The following ZNF280D variants were observed in gnomAD, a reference collection of about 807,000 sequenced individuals.
ZNF280D encodes the protein suppressor of hairy wing homolog 4.
In ZNF280D, 39 loss-of-function variants were observed where a neutral mutation model predicts 94.7. That is an observed-to-expected ratio of 0.41 (90% CI 0.32 to 0.54). The LOEUF (loss-of-function observed/expected upper bound fraction) is 0.54. Among genes scored for constraint, ZNF280D ranks in the 20% least tolerant of loss-of-function variants. The pLI is 0.22. For missense variants in ZNF280D, 1,090 were observed against 1,149.3 expected (o/e 0.95, Z 0.75); for synonymous variants, 398 against 377.6 (o/e 1.05, Z -0.63).
At chr15:56,699,039 T>C (rs2056907765) in intron 6 of ZNF280D, 1 of 144,704 alleles carries the variant, frequency 6.9e-6, no homozygotes, top group South Asian at 2.2e-4. Context: ...AGATAAAGAG[T>C]GTATGTTGTT....
intron 1 of ZNF280D, among the ~76,000 whole-genome samples, chr15:56,711,123 A>C (rs752256118): frequency 6.6e-6 from 1 of 152,250 alleles, no homozygotes; most frequent in Non-Finnish European, 1.5e-5. Flanking sequence ...TGCCAAATTC[A>C]AATTCTGACT....
Position 56,678,743 on chromosome 15 carries a change from C to T in ZNF280D, c.1083G>A (p.Gln361=). The T allele has an allele frequency of 6.2e-7, 1 of 1,613,246 alleles. No homozygotes were observed. Among genetic ancestry groups the T allele is most frequent in the Non-Finnish European group, 8.5e-7 (1 of 1,179,528 alleles). ...SESWENHTTC[Q]HCYRQFPTPF... ...GTGTGGGAAACTGACGGTAGCAGTG[C>T]TGGCAGGTGGTATGGTTTTCCCAGC... Residue 361 remains glutamine (Q), a synonymous_variant, in exon 11 of 22, where the codon CAG becomes CAA. Transcript: ENST00000267807.
intron 12 of ZNF280D, among the ~76,000 whole-genome samples, chr15:56,677,130 T>C (rs1355853248): frequency 6.6e-6 from 1 of 152,210 alleles, no homozygotes; most frequent in East Asian, 1.9e-4. Context: ...ATAAAATGTT[T>C]TTCTGCTACA....
Position 56,631,863 on chromosome 15 carries a change from T to C in ZNF280D, c.2575A>G (p.Asn859Asp). 1 of 1,613,828 alleles carries C rather than the reference T, an allele frequency of 6.2e-7. No homozygotes were observed. The highest frequency in any genetic ancestry group is 8.5e-7 in the Non-Finnish European group (1 of 1,180,016). Reference sequence around the variant, plus strand: ...TTAATCTGATCAGATAAGATTATGTTTTCTGAACTTTGGCACATCTTCAAC... The same window carrying C: ...TTAATCTGATCAGATAAGATTATGTCTTCTGAACTTTGGCACATCTTCAAC... ...MELKMCQSSE[N>D]IILSDQIKDH... is the part of the protein sequence containing the mutation. The change falls in exon 22 of 22, where the codon AAC becomes GAC. Residue 859 changes from asparagine to aspartate, a missense_variant. By Grantham distance (23) the Asn-to-Asp change is conservative. Transcript: ENST00000267807.
intron 4 of ZNF280D, among the ~76,000 whole-genome samples, chr15:56,703,752 G>A (rs183638004): frequency 2.1e-3 from 314 of 152,140 alleles, no homozygotes; most frequent in African/African-American, 7.2e-3. Flanking sequence ...TACTTGGGAA[G>A]CTGAGGTGGG....
intron 20 of ZNF280D, 124 bp downstream of exon 20, chr15:56,642,828 C>T: frequency 1.9e-6 from 1 of 535,598 alleles, no homozygotes; most frequent in Non-Finnish European, 3.1e-6. Context: ...GATTTTTTTT[C>T]TTCCTCACAA....
intron 16 of ZNF280D, among the ~76,000 whole-genome samples, chr15:56,660,015 C>T (rs1369147126): frequency 3.3e-5 from 5 of 151,962 alleles, no homozygotes; most frequent in African/African-American, 1.2e-4. Flanking sequence ...AGAAAATATC[C>T]TCAGATTTCT....
chr15:56,711,476 C>T (rs999378871), intron 1 of ZNF280D, among the ~76,000 whole-genome samples: 3 of 151,926 alleles, frequency 2.0e-5, no homozygotes, highest in East Asian at 3.9e-4. Context: ...AACAGCCTGG[C>T]CAACATGGTG....
At chr15:56,663,948 A>T (rs529896214) in intron 16 of ZNF280D, among the ~76,000 whole-genome samples, 2 of 152,288 alleles carry the variant, frequency 1.3e-5, no homozygotes, top group South Asian at 4.2e-4. Context: ...ATTGGAAGTG[A>T]TGGATATCCC....
chr15:56,637,441 A>ATTTG (rs2052407862), intron 20 of ZNF280D, among the ~76,000 whole-genome samples: 1 of 151,972 alleles, frequency 6.6e-6, no homozygotes, highest in East Asian at 1.9e-4. Flanking sequence ...TTAGCTTCCC[A>ATTTG]AAGTGTTGGG....
rs146777056 is a variant in ZNF280D at position 56,669,482 on chromosome 15, G to C, written c.1411-525C>G. On this transcript the variant is annotated intron_variant, in intron 13 of 21. Transcript: ENST00000267807. ...TATGATAATGAAATATTTGAGAGCT[G>C]TATTGTCCAACACAGTAGCCACTAG... 2.5e-3 allele frequency among the ~76,000 whole-genome samples: 374 copies of C among 151,918 alleles called. 2 individuals carry two copies. The highest frequency in any genetic ancestry group is 8.6e-3 in the African/African-American group (358 of 41,472).
chr15:56,659,576 GA>G lies in ZNF280D; in HGVS notation c.1995-1091del, dbSNP rs528805312. Among the ~76,000 whole-genome samples the G allele has an allele frequency of 9.3e-5, 14 of 150,842 alleles. No homozygotes were observed. In the South Asian group the frequency reaches 1.3e-3, roughly 14 times the overall value. On this transcript the variant is annotated intron_variant, in intron 16 of 21. Coordinates refer to ENST00000267807, the MANE Select transcript of ZNF280D (RefSeq NM_017661.4). Reference sequence around the variant, plus strand: ...CCTTTATTATACATAGTATGTATAGGAAAAAAAAAGTATAGTACACATAGAG... The same window carrying G: ...CCTTTATTATACATAGTATGTATAGGAAAAAAAAGTATAGTACACATAGAG...
At chr15:56,650,417 T>C (rs1306772826) in intron 19 of ZNF280D, among the ~76,000 whole-genome samples, 1 of 152,136 alleles carries the variant, frequency 6.6e-6, no homozygotes, top group East Asian at 1.9e-4. Flanking sequence ...AAAAAGAAAC[T>C]GAAGTAACTG....
chr15:56,676,967 C>T (rs1805394981), intron 12 of ZNF280D, 151 bp from the exon 13 acceptor site: 1 of 581,214 alleles, frequency 1.7e-6, no homozygotes, highest in Non-Finnish European at 2.9e-6. Context: ...ACTAAGGCAA[C>T]ACCAAAAGAC....
chr15:56,635,919 A>C (rs556595937), intron 20 of ZNF280D: 26 of 152,322 alleles, frequency 1.7e-4, no homozygotes, highest in Admixed American at 4.6e-4. Context: ...TCTACATATT[A>C]GATTTTATAA....
At chr15:56,667,290 T>C (rs1463603885) in intron 14 of ZNF280D, among the ~76,000 whole-genome samples, 1 of 152,196 alleles carries the variant, frequency 6.6e-6, no homozygotes, top group Non-Finnish European at 1.5e-5. Flanking sequence ...GCTATTTTTA[T>C]GCCCTGACTT....
Position 56,666,665 on chromosome 15 carries a change from G to A in ZNF280D, c.1853+14C>T, listed in dbSNP as rs200544603. On this transcript the variant is annotated intron_variant, in intron 15 of 21. Coordinates refer to ENST00000267807, the MANE Select transcript of ZNF280D (RefSeq NM_017661.4). ...AAGTTTAAATTATATTGTATATCAG[G>A]AATAAAAGATTACCTTAAATTCCTC... The A allele has an allele frequency of 1.5e-5, 24 of 1,573,682 alleles. No individual in the cohort carries two copies. Among genetic ancestry groups the A allele is most frequent in the Non-Finnish European group, 2.0e-5 (23 of 1,163,226 alleles).
In ZNF280D at chr15:56,631,757, T is replaced by C. The variant is rs772963890; in HGVS notation, c.2681A>G (p.Asp894Gly). Residue 894 changes from aspartate to glycine, a missense_variant, in exon 22 of 22, where the codon GAT becomes GGT. Asp to Gly is a moderately conservative substitution (Grantham distance 94). Around this residue, in one of 3 missense-constraint regions of ZNF280D, gnomAD observed 577 missense variants for 568.8 expected, o/e 1.01. Coordinates refer to ENST00000267807, the MANE Select transcript of ZNF280D (RefSeq NM_017661.4). ...TTCATGTCTTTTTCTCAAAAACTGA[T>C]CAATGCTTACATTATCTGATGCTAA... ...LRLASDNVSIDQFLRKRHEPE... is the reference protein window; with the variant it reads ...LRLASDNVSIGQFLRKRHEPE... 6.2e-7 allele frequency: 1 copy of C among 1,614,190 alleles called. No homozygotes were observed. The highest frequency in any genetic ancestry group is 8.5e-7 in the Non-Finnish European group (1 of 1,180,024).
chr15:56,676,658 G>A lies in ZNF280D; in HGVS notation c.1410+12C>T, dbSNP rs1017720798. 6.3e-7 allele frequency: 1 copy of A among 1,587,972 alleles called. No individual in the cohort carries two copies. The highest frequency in any genetic ancestry group is 8.5e-7 in the Non-Finnish European group (1 of 1,170,006). ...ACAACATAATAAACAAATAAGAACTGGTAAATCTCACCTGATGCTTCATAT... is the reference window on the plus strand; with the variant it reads ...ACAACATAATAAACAAATAAGAACTAGTAAATCTCACCTGATGCTTCATAT... On this transcript the variant is annotated intron_variant, in intron 13 of 21. Coordinates refer to ENST00000267807, the MANE Select transcript of ZNF280D (RefSeq NM_017661.4).
Sources: allele counts gnomAD v4.1 joint callset (sites outside exome capture counted in the v4.1 genomes callset), GRCh38; gene constraint gnomAD v4.1.1; regional missense constraint gnomAD v4.1.1; transcripts MANE v1.5; gene names NCBI Gene and HGNC (gene_info 2026-07-23, HGNC 2026-07-21).